The following MAML3 variants were observed in gnomAD, a reference collection of about 807,000 sequenced individuals.
The protein encoded by MAML3 is mastermind-like protein 3.
In MAML3, 27 loss-of-function variants were observed where a neutral mutation model predicts 101.9. The ratio of observed to expected loss-of-function variants is 0.27; its 90% CI spans 0.20 to 0.37. The LOEUF is 0.37. MAML3 is among the 10% of genes least tolerant of loss of function. The pLI is 1.00. For missense variants in MAML3, 1,316 were observed against 1,444.9 expected (o/e 0.91, Z 1.45); for synonymous variants, 501 against 555.9 (o/e 0.90, Z 1.39).
chr4:140,035,602 C>G (rs568905033), intron 1 of MAML3, among the ~76,000 whole-genome samples: 2 of 151,028 alleles, frequency 1.3e-5, no homozygotes, highest in Admixed American at 6.6e-5. Flanking sequence ...CAAGACCATC[C>G]TGGCTAACAC....
chr4:140,036,257 C>G (rs1459430937), intron 1 of MAML3, among the ~76,000 whole-genome samples: 15 of 152,190 alleles, frequency 9.9e-5, no homozygotes, highest in Admixed American at 9.8e-4. Context: ...TGGCCCCTGT[C>G]GTTGCCTGCC....
chr4:139,862,088 A>T (rs1406741450), intron 2 of MAML3, among the ~76,000 whole-genome samples: 1 of 152,140 alleles, frequency 6.6e-6, no homozygotes, highest in African/African-American at 2.4e-5. Context: ...AGGCACCTGT[A>T]ATCCCAGCTA....
At chr4:139,905,466 C>A (rs373326820) in intron 1 of MAML3, among the ~76,000 whole-genome samples, 5 of 118,138 alleles carry the variant, frequency 4.2e-5, no homozygotes, top group African/African-American at 1.5e-4. Flanking sequence ...CACTCCAGCC[C>A]GGGCGGCAGA....
intron 1 of MAML3, among the ~76,000 whole-genome samples, chr4:140,086,104 C>T (rs1407029159): frequency 1.3e-5 from 2 of 152,186 alleles, no homozygotes; most frequent in Non-Finnish European, 1.5e-5. Context: ...CTTACAGGCC[C>T]TCCTCAAATG....
intron 2 of MAML3, among the ~76,000 whole-genome samples, chr4:139,817,725 G>A (rs746025195): frequency 3.3e-5 from 5 of 152,152 alleles, no homozygotes; most frequent in South Asian, 2.1e-4. Flanking sequence ...ACTCTTCAGT[G>A]ACTTTCCACA....
chr4:139,862,614 G>GT (rs1055907062), intron 2 of MAML3, among the ~76,000 whole-genome samples: 36 of 152,252 alleles, frequency 2.4e-4, no homozygotes, highest in Admixed American at 8.5e-4. Flanking sequence ...CATGTGCTGG[G>GT]TAAGAGTGGA....
intron 1 of MAML3, among the ~76,000 whole-genome samples, chr4:139,963,122 T>C (rs1326918907): frequency 6.6e-6 from 1 of 152,224 alleles, no homozygotes; most frequent in Non-Finnish European, 1.5e-5. Context: ...TTTCTCAAAC[T>C]TTAATGTGCA....
intron 2 of MAML3, among the ~76,000 whole-genome samples, chr4:139,828,731 T>TAAAA (rs1229224315): frequency 0.046 from 3,571 of 77,050 alleles, 49 homozygotes; most frequent in South Asian, 0.051. Flanking sequence ...TTTTTTTTTT[T>TAAAA]TAAAAACATA....
intron 1 of MAML3, among the ~76,000 whole-genome samples, chr4:139,962,371 A>C (rs958410699): frequency 6.6e-6 from 1 of 152,198 alleles, no homozygotes; most frequent in African/African-American, 2.4e-5. Context: ...TGATATGTTC[A>C]AACAAATTCA....
At chr4:139,834,362 T>C (rs1467687188) in intron 2 of MAML3, among the ~76,000 whole-genome samples, 1 of 152,234 alleles carries the variant, frequency 6.6e-6, no homozygotes, top group Non-Finnish European at 1.5e-5. Context: ...CTGGCAGCTC[T>C]CTGGAGGGAG....
At chr4:139,981,346 T>A (rs1336344887) in intron 1 of MAML3, among the ~76,000 whole-genome samples, 1 of 152,222 alleles carries the variant, frequency 6.6e-6, no homozygotes, top group Admixed American at 6.5e-5. Flanking sequence ...TATGCAAGTA[T>A]GGTTCTATTC....
At chr4:139,776,667 A>G (rs1730103107) in intron 2 of MAML3, among the ~76,000 whole-genome samples, 1 of 152,188 alleles carries the variant, frequency 6.6e-6, no homozygotes, top group Non-Finnish European at 1.5e-5. Context: ...TTTAAACCCC[A>G]AAACAAAAGG....
chr4:139,804,996 T>C (rs182373635), intron 2 of MAML3, among the ~76,000 whole-genome samples: 1 of 152,236 alleles, frequency 6.6e-6, no homozygotes, highest in Non-Finnish European at 1.5e-5. Context: ...CTGGCCAACA[T>C]GGCGAAAACC....
At chr4:139,978,910 TCACTTTCAAA>T (rs1734395444) in intron 1 of MAML3, among the ~76,000 whole-genome samples, 1 of 141,392 alleles carries the variant, frequency 7.1e-6, no homozygotes, top group Non-Finnish European at 1.6e-5. Context: ...CATCCTCCTT[TCACTTTCAAA>T]GAGCTCTATG....
intron 2 of MAML3, among the ~76,000 whole-genome samples, chr4:139,823,994 G>A (rs1326956283): frequency 6.6e-6 from 1 of 152,016 alleles, no homozygotes; most frequent in Non-Finnish European, 1.5e-5. Flanking sequence ...TGGTCTCTAC[G>A]AAGCAGCTGG....
chr4:139,817,374 T>C (rs1730909144), intron 2 of MAML3, among the ~76,000 whole-genome samples: 1 of 152,150 alleles, frequency 6.6e-6, no homozygotes, highest in African/African-American at 2.4e-5. Flanking sequence ...TCTGCCAGGG[T>C]CTAGGTTATA....
At chr4:140,091,543 C>CAAAAAAAAAAAAAAAA (rs1186102121) in intron 1 of MAML3, among the ~76,000 whole-genome samples, 4 of 108,266 alleles carry the variant, frequency 3.7e-5, no homozygotes, top group Non-Finnish European at 5.3e-5. Flanking sequence ...AAAACAAAAA[C>CAAAAAAAAAAAAAAAA]AAAACAAAAA....
intron 2 of MAML3, among the ~76,000 whole-genome samples, chr4:139,864,251 C>G (rs13151572): frequency 6.6e-6 from 1 of 152,190 alleles, no homozygotes; most frequent in Non-Finnish European, 1.5e-5. Flanking sequence ...GATACAGACT[C>G]TGGGCCATGG....
intron 2 of MAML3, among the ~76,000 whole-genome samples, chr4:139,831,437 G>C (rs532759713): frequency 2.0e-5 from 3 of 152,286 alleles, no homozygotes; most frequent in Admixed American, 6.5e-5. Flanking sequence ...ATCCCAGTTA[G>C]AGACTTTAAT....
Sources: gnomAD v4.1 joint callset for allele counts (sites outside exome capture counted in the v4.1 genomes callset) on GRCh38, gnomAD v4.1.1 for gene constraint, MANE v1.5 for transcripts, NCBI Gene and HGNC (gene_info 2026-07-23, HGNC 2026-07-21) for gene names.